PKN2: variants seen among roughly 807,000 people sequenced by gnomAD.
PKN2 encodes the protein serine/threonine-protein kinase N2.
PKN2 carries 38 observed loss-of-function variants against 119.1 expected under a neutral mutation model. The observed-to-expected ratio is 0.32, with a 90% CI of 0.25 to 0.42. The LOEUF (loss-of-function observed/expected upper bound fraction) is 0.42, where lower values mean the gene tolerates loss of function less well. PKN2 is among the 10% of genes least tolerant of loss of function. The pLI is 1.00. For missense variants in PKN2, 850 were observed against 1,165.1 expected, an observed-to-expected ratio of 0.73 and a Z score of 3.94; for synonymous variants, 390 against 384.9, an observed-to-expected ratio of 1.01 and a Z score of -0.15.
rs760392660 is a variant in PKN2, at chr1:88,684,646, G to C, written c.48+18G>C. The stretch of plus-strand genomic sequence containing the variant: ...AACTGCAGGTAAGGGCCGCGGCCCT[G>C]GTGAGAGGCGCTGGCGGAGGAGACA... On this transcript the variant is annotated intron_variant, in intron 1 of 21. Transcript: ENST00000370521. 10 of 1,521,888 alleles carry C rather than the reference G, an allele frequency of 6.6e-6. No homozygotes were observed. The highest frequency in any genetic ancestry group is 8.8e-6 in the Non-Finnish European group (10 of 1,136,116). The allele number at this position is 1,521,888 out of a possible 1,614,324, so 94.3% of individuals were successfully genotyped here.
intron 7 of PKN2, among the ~76,000 whole-genome samples, chr1:88,785,798 CTGAT>C (rs542094984): frequency 3.9e-5 from 6 of 152,256 alleles, no homozygotes; most frequent in South Asian, 2.1e-4. Context: ...GAAAGAAAAA[CTGAT>C]TGATATTCAC....
chr1:88,825,291 C>T (rs1195813822), intron 18 of PKN2, among the ~76,000 whole-genome samples: 2 of 152,102 alleles, frequency 1.3e-5, no homozygotes, highest in Admixed American at 1.3e-4. Flanking sequence ...TCTCCTTAGC[C>T]GGCTGCTCTT....
rs77141857 is a variant in PKN2, at chr1:88,793,752, A to G, written c.1281+7539A>G. The stretch of plus-strand genomic sequence containing the variant: ...ACACACATCCTCCTGTATACTTTAA[A>G]TCATCTCTACAGTAATTATAATACC... On this transcript the variant is annotated intron_variant, in intron 8 of 21. Coordinates refer to ENST00000370521, the MANE Select transcript of PKN2 (RefSeq NM_006256.4). 5.1e-3 allele frequency among the ~76,000 whole-genome samples: 773 copies of G among 152,280 alleles called. 2 individuals are homozygous for G. The highest frequency in any genetic ancestry group is 0.018 in the African/African-American group (728 of 41,556).
At chr1:88,828,439 T>G (rs1672597086) in intron 18 of PKN2, 42 bp from the exon 19 acceptor site, 4 of 1,535,108 alleles carry the variant, frequency 2.6e-6, no homozygotes, top group Non-Finnish European at 3.6e-6. Context: ...ATGCTAGATT[T>G]GTTTTCTTTG....
In PKN2 at chr1:88,834,908, G is replaced by C. The variant is rs778539127; in HGVS notation, c.*1460G>C. On this transcript the variant is annotated 3_prime_UTR_variant, in exon 22 of 22. Coordinates refer to ENST00000370521, the MANE Select transcript of PKN2 (RefSeq NM_006256.4). Reference sequence around the variant, plus strand: ...AATAGCATCTTTGATCCTGTGCTTAGCATGTTAGGGTCATTATACCTCAGG... The same window carrying C: ...AATAGCATCTTTGATCCTGTGCTTACCATGTTAGGGTCATTATACCTCAGG... 1 of 152,194 alleles carries C rather than the reference G, an allele frequency of 6.6e-6. No homozygotes were observed. Among genetic ancestry groups the C allele is most frequent in the Admixed American group, 6.6e-5 (1 of 15,220 alleles). 9.4% of individuals were successfully genotyped at this position (152,194 alleles called of 1,614,324 possible). A position where few individuals can be genotyped will look rare whatever the true frequency, so the allele number is the denominator to read the frequency against.
intron 2 of PKN2, among the ~76,000 whole-genome samples, chr1:88,745,939 A>G (rs1370601735): frequency 6.6e-6 from 1 of 152,158 alleles, no homozygotes; most frequent in African/African-American, 2.4e-5. Context: ...ATTCAAATCA[A>G]TTGATTTTTG....
intron 1 of PKN2, among the ~76,000 whole-genome samples, chr1:88,688,608 ATAT>A (rs1356960476): frequency 1.3e-5 from 2 of 152,216 alleles, no homozygotes; most frequent in Non-Finnish European, 2.9e-5. Flanking sequence ...ATACAGTCTA[ATAT>A]TTCACAAAGA....
At chr1:88,762,053 G>A (rs978539741) in intron 3 of PKN2, among the ~76,000 whole-genome samples, 2 of 152,116 alleles carry the variant, frequency 1.3e-5, no homozygotes, top group Non-Finnish European at 2.9e-5. Flanking sequence ...ATTAGTTTGA[G>A]GGGTTTATGA....
intron 2 of PKN2, among the ~76,000 whole-genome samples, chr1:88,751,352 TATAC>T (rs1362753995): frequency 1.3e-5 from 2 of 151,240 alleles, no homozygotes; most frequent in African/African-American, 2.5e-5. Context: ...CCCTTTTATA[TATAC>T]ATACATTATA....
intron 19 of PKN2, chr1:88,829,327 T>TATG: frequency 3.7e-6 from 2 of 533,622 alleles, no homozygotes; most frequent in Admixed American, 2.6e-5. Context: ...AAGTATTCGC[T>TATG]ACACCAACAG....
At chr1:88,770,179 G>A (rs1417305215) in intron 3 of PKN2, among the ~76,000 whole-genome samples, 173 bp from the exon 4 acceptor site, 1 of 152,150 alleles carries the variant, frequency 6.6e-6, no homozygotes, top group Non-Finnish European at 1.5e-5. Context: ...CACCCTGTAA[G>A]TTTGATGGCT....
At chr1:88,769,763 G>T (rs537814968) in intron 3 of PKN2, among the ~76,000 whole-genome samples, 8 of 152,226 alleles carry the variant, frequency 5.3e-5, no homozygotes, top group Non-Finnish European at 1.5e-5. Context: ...AAAAAAAGCT[G>T]AATAAATAGA....
At chr1:88,781,024 T>TA in intron 6 of PKN2, 2 of 937,800 alleles carry the variant, frequency 2.1e-6, no homozygotes, top group Non-Finnish European at 2.7e-6. Flanking sequence ...AGAAGTATCT[T>TA]ACAATTCTTA....
chr1:88,723,726 T>A (rs1321277016), intron 1 of PKN2, among the ~76,000 whole-genome samples: 1 of 152,218 alleles, frequency 6.6e-6, no homozygotes, highest in Non-Finnish European at 1.5e-5. Context: ...CATTTCAATG[T>A]ACTTTTGCCT....
At chr1:88,737,747 G>A (rs1287590175) in intron 1 of PKN2, among the ~76,000 whole-genome samples, 1 of 152,106 alleles carries the variant, frequency 6.6e-6, no homozygotes, top group Non-Finnish European at 1.5e-5. Context: ...GTTTCACCAC[G>A]GCAGACCCAG....
intron 16 of PKN2, among the ~76,000 whole-genome samples, chr1:88,817,708 CAAA>C (rs55863627): frequency 3.8e-5 from 5 of 133,002 alleles, no homozygotes; most frequent in Admixed American, 7.8e-5. Flanking sequence ...GACTCCGTCT[CAAA>C]AAAAAAAAAA....
chr1:88,789,935 C>A (rs191222323), intron 8 of PKN2, among the ~76,000 whole-genome samples: 1 of 150,006 alleles, frequency 6.7e-6, no homozygotes, highest in East Asian at 1.9e-4. Flanking sequence ...CTTTTTAATA[C>A]CTTTTCCTCC....
intron 8 of PKN2, among the ~76,000 whole-genome samples, chr1:88,786,647 A>G (rs1670588726): frequency 6.6e-6 from 1 of 152,190 alleles, no homozygotes; most frequent in South Asian, 2.1e-4. Flanking sequence ...GCTAGAATTC[A>G]GTCTGTGGCC....
intron 1 of PKN2, among the ~76,000 whole-genome samples, chr1:88,691,154 C>T (rs1444642080): frequency 2.6e-5 from 4 of 152,094 alleles, no homozygotes; most frequent in Admixed American, 6.6e-5. Flanking sequence ...GCCTCTGCCT[C>T]CTGGGCTCAA....
Sources: allele counts gnomAD v4.1 joint callset (sites outside exome capture counted in the v4.1 genomes callset), GRCh38; gene constraint gnomAD v4.1.1; transcripts MANE v1.5; gene names NCBI Gene and HGNC (gene_info 2026-07-23, HGNC 2026-07-21).